Variants in SNX7 observed in about 807,000 individuals in gnomAD.
SNX7 encodes the protein sorting nexin-7.
A neutral mutation model predicts 48.4 loss-of-function variants in SNX7; 35 were observed. The observed-to-expected ratio is 0.72, with a 90% CI of 0.55 to 0.96. The LOEUF (loss-of-function observed/expected upper bound fraction) is 0.96, where lower values mean the gene tolerates loss of function less well. Among genes scored for constraint, SNX7 ranks in the 40% least tolerant of loss-of-function variants. SNX7 has a pLI of 0.00. For synonymous variants in SNX7, 190 were observed against 190.2 expected, an observed-to-expected ratio of 1.00 and a Z score of 0.01; for missense variants, 553 against 548.9, an observed-to-expected ratio of 1.01 and a Z score of -0.07.
intron 8 of SNX7, among the ~76,000 whole-genome samples, chr1:98,748,312 A>G (rs544304397): frequency 1.7e-4 from 26 of 152,074 alleles, no homozygotes; most frequent in Middle Eastern, 3.4e-3. Flanking sequence ...AAAAACTTCA[A>G]TTGAAAAATA....
intron 4 of SNX7, among the ~76,000 whole-genome samples, chr1:98,694,153 A>G (rs887324616): frequency 3.4e-4 from 52 of 151,862 alleles, no homozygotes; most frequent in Non-Finnish European, 6.3e-4. Context: ...GGCGGATCAC[A>G]AGGTCAGGAG....
At chr1:98,679,321 G>T (rs1429211190) in intron 1 of SNX7, among the ~76,000 whole-genome samples, 1 of 151,806 alleles carries the variant, frequency 6.6e-6, no homozygotes, top group Non-Finnish European at 1.5e-5. Flanking sequence ...CTTCCACCAG[G>T]TTCATCCCAC....
intron 1 of SNX7, chr1:98,662,762 C>T (rs1386160548): frequency 1.6e-5 from 21 of 1,289,216 alleles, no homozygotes; most frequent in African/African-American, 4.6e-5. Context: ...CAGATCACAA[C>T]GCTGTATTCA....
chr1:98,718,832 C>T (rs1388889967), intron 7 of SNX7, among the ~76,000 whole-genome samples: 1 of 152,010 alleles, frequency 6.6e-6, no homozygotes, highest in Non-Finnish European at 1.5e-5. Flanking sequence ...CTGCACTGTG[C>T]TTTTTTAATG....
chr1:98,697,943 A>G (rs1027590986), intron 5 of SNX7, among the ~76,000 whole-genome samples: 1 of 152,160 alleles, frequency 6.6e-6, no homozygotes, highest in Admixed American at 6.5e-5. Flanking sequence ...AAGAGAAATC[A>G]TGGGTTATTC....
intron 5 of SNX7, among the ~76,000 whole-genome samples, chr1:98,697,442 C>T (rs567046079): frequency 2.2e-4 from 33 of 151,972 alleles, no homozygotes; most frequent in African/African-American, 7.0e-4. Flanking sequence ...GAACAAAAAA[C>T]GGTCACTGCT....
chr1:98,703,717 A>T (rs1651871387), intron 7 of SNX7, among the ~76,000 whole-genome samples: 1 of 151,928 alleles, frequency 6.6e-6, no homozygotes, highest in East Asian at 1.9e-4. Context: ...ATAGTTCTTA[A>T]CTATATATAG....
At chr1:98,681,383 A>G (rs1303183354) in intron 1 of SNX7, among the ~76,000 whole-genome samples, 1 of 152,224 alleles carries the variant, frequency 6.6e-6, no homozygotes, top group Non-Finnish European at 1.5e-5. Context: ...GTTTGAAGCC[A>G]GGAGTTTGAG....
intron 8 of SNX7, among the ~76,000 whole-genome samples, chr1:98,749,905 G>A (rs987380232): frequency 1.3e-5 from 2 of 151,986 alleles, no homozygotes; most frequent in African/African-American, 4.8e-5. Context: ...GATCATTTGA[G>A]ACAATGTTAA....
chr1:98,740,472 T>G (rs1285343434), intron 8 of SNX7, among the ~76,000 whole-genome samples: 1 of 152,116 alleles, frequency 6.6e-6, no homozygotes, highest in African/African-American at 2.4e-5. Context: ...AAAACCTAAG[T>G]ATATTAGGGT....
intron 5 of SNX7, 132 bp from the exon 6 acceptor site, chr1:98,698,574 C>A: frequency 1.3e-6 from 1 of 789,246 alleles, no homozygotes; most frequent in Non-Finnish European, 2.0e-6. Context: ...GGATGATATC[C>A]GTTTTCTTAT....
At chr1:98,698,571 A>G in intron 5 of SNX7, 135 bp from the exon 6 acceptor site, 1 of 767,278 alleles carries the variant, frequency 1.3e-6, no homozygotes, top group Admixed American at 2.9e-5. Flanking sequence ...GAAGGATGAT[A>G]TCCGTTTTCT....
chr1:98,734,400 CA>C (rs1653671188), intron 7 of SNX7, among the ~76,000 whole-genome samples: 1 of 152,140 alleles, frequency 6.6e-6, no homozygotes, highest in Non-Finnish European at 1.5e-5. Context: ...CTTGTCCAAT[CA>C]ATGGCTGGTG....
intron 4 of SNX7, among the ~76,000 whole-genome samples, chr1:98,695,140 A>G (rs1651380930): frequency 6.6e-6 from 1 of 152,200 alleles, no homozygotes; most frequent in African/African-American, 2.4e-5. Context: ...GGCCCTGAGA[A>G]ATCTTCTCTC....
In SNX7 at chr1:98,706,922, T is replaced by G. The variant is rs1445668976; in HGVS notation, c.1125+5019T>G. ...GATAATTTTCTCAGATTTGGAAAGG[T>G]AAAGTTTGATTTGCCTATTAGTCAC... On this transcript the variant is annotated intron_variant, in intron 7 of 8. Transcript: ENST00000306121. Among the ~76,000 whole-genome samples, 7 of 152,238 alleles carry G rather than the reference T, an allele frequency of 4.6e-5. No homozygotes were observed. In the East Asian group the frequency reaches 7.7e-4, roughly 17 times the overall value.
In SNX7 at chr1:98,691,540, G is replaced by T; in HGVS notation, c.480G>T (p.Leu160Phe). Residue 160 changes from leucine to phenylalanine, a missense_variant, in exon 4 of 9, where the codon TTG becomes TTT. Coordinates refer to ENST00000306121, the MANE Select transcript of SNX7 (RefSeq NM_015976.5). ...EAHPTLIIPP[L>F]PEKFIVKGMV... is the part of the protein sequence containing the mutation. Reference sequence around the variant, plus strand: ...TTTAATTTTTTTTGCCTTAGCCATTGCCAGAAAAGTTTATAGTAAAAGGAA... The same window carrying T: ...TTTAATTTTTTTTGCCTTAGCCATTTCCAGAAAAGTTTATAGTAAAAGGAA... 2 of 1,572,354 alleles carry T rather than the reference G, an allele frequency of 1.3e-6. No individual in the cohort carries two copies. Among genetic ancestry groups the T allele is most frequent in the Non-Finnish European group, 8.6e-7 (1 of 1,163,304 alleles).
rs1452624049 is a variant in SNX7, at chr1:98,700,401, G to T, written c.1039-1416G>T. ...CTTAAATAAATAGGACTGAATTAGA[G>T]AGTGAGTCATTTTGGTCAAAGAAAG... On this transcript the variant is annotated intron_variant, in intron 6 of 8. Transcript: ENST00000306121. 3.3e-5 allele frequency among the ~76,000 whole-genome samples: 5 copies of T among 152,272 alleles called. No individual in the cohort carries two copies. The East Asian group carries it at 9.6e-4, about 29-fold the overall frequency.
chr1:98,682,501 G>T (rs2100935316), intron 1 of SNX7, among the ~76,000 whole-genome samples: 2 of 152,170 alleles, frequency 1.3e-5, no homozygotes, highest in South Asian at 4.1e-4. Context: ...TTTCTGAAAT[G>T]GCTTAATTCT....
At chr1:98,700,871 A>C (rs1651714193) in intron 6 of SNX7, among the ~76,000 whole-genome samples, 2 of 152,224 alleles carry the variant, frequency 1.3e-5, no homozygotes, top group African/African-American at 4.8e-5. Context: ...TTCTTCTTTA[A>C]AACACCAGAA....
Sources: gnomAD v4.1 joint callset for allele counts (sites outside exome capture counted in the v4.1 genomes callset) on GRCh38, gnomAD v4.1.1 for gene constraint, MANE v1.5 for transcripts, NCBI Gene and HGNC (gene_info 2026-07-23, HGNC 2026-07-21) for gene names.